Variants in SLC5A8 observed in about 807,000 individuals in gnomAD.
SLC5A8 encodes solute carrier family 5 member 8, also known as sodium-coupled monocarboxylate transporter 1.
Under a neutral mutation model 71.9 loss-of-function variants are expected in SLC5A8, and 55 were observed. That is an observed-to-expected ratio of 0.77 (90% CI 0.62 to 0.96). The LOEUF is 0.96. SLC5A8 is among the 40% of genes least tolerant of loss of function. The pLI, the probability that SLC5A8 is intolerant of heterozygous loss-of-function variation, is 0.00. For missense variants in SLC5A8, 701 were observed against 745.3 expected, an observed-to-expected ratio of 0.94 and a Z score of 0.69; for synonymous variants, 307 against 276.1, an observed-to-expected ratio of 1.11 and a Z score of -1.11.
intron 10 of SLC5A8, among the ~76,000 whole-genome samples, chr12:101,177,440 TATATAC>T (rs1566312309): frequency 8.3e-6 from 1 of 120,904 alleles, no homozygotes; most frequent in African/African-American, 4.6e-5. Context: ...CCAAAGGCAG[TATATAC>T]ACACACACAC....
At chr12:101,167,636 T>G (rs866460487) in intron 11 of SLC5A8, among the ~76,000 whole-genome samples, 7 of 152,218 alleles carry the variant, frequency 4.6e-5, no homozygotes, top group African/African-American at 1.4e-4. Flanking sequence ...TAAATCATGT[T>G]GTGGGAGCTA....
In SLC5A8 at chr12:101,182,914, T is replaced by C. The variant is rs1868432573; in HGVS notation, c.1054A>G (p.Thr352Ala). The change falls in exon 9 of 15, where the codon ACA (threonine) becomes GCA (alanine). Residue 352 changes from threonine to alanine, a missense_variant and splice_region_variant. By Grantham distance (58) the Thr-to-Ala change is moderately conservative. Coordinates refer to ENST00000536262, the MANE Select transcript of SLC5A8 (RefSeq NM_145913.5). Reference sequence around the variant, plus strand: ...AAGGCATTAATACTGGAGGACACTGTGCTGTAAGGGAAAATAAAACTTTTG... The same window carrying C: ...AAGGCATTAATACTGGAGGACACTGCGCTGTAAGGGAAAATAAAACTTTTG... Reference protein sequence around the residue: ...VACAYSGTLSTVSSSINALAA... With the variant: ...VACAYSGTLSAVSSSINALAA... The C allele has an allele frequency of 6.6e-7, 1 of 1,519,430 alleles. No individual in the cohort carries two copies. Among genetic ancestry groups the C allele is most frequent in the African/African-American group, 1.4e-5 (1 of 69,490 alleles). 94.1% of individuals were successfully genotyped at this position (1,519,430 alleles called of 1,614,324 possible).
intron 10 of SLC5A8, among the ~76,000 whole-genome samples, chr12:101,173,345 G>A (rs540547648): frequency 1.3e-5 from 2 of 152,252 alleles, no homozygotes; most frequent in Non-Finnish European, 2.9e-5. Flanking sequence ...ACCTCTTCAT[G>A]GACCATATGG....
intron 9 of SLC5A8, among the ~76,000 whole-genome samples, chr12:101,181,957 G>A (rs1407493097): frequency 6.6e-6 from 1 of 152,148 alleles, no homozygotes; most frequent in African/African-American, 2.4e-5. Flanking sequence ...GTCTATTGAT[G>A]TTATTGTGTT....
intron 1 of SLC5A8, among the ~76,000 whole-genome samples, chr12:101,207,742 A>G (rs1869732290): frequency 6.6e-6 from 1 of 152,192 alleles, no homozygotes; most frequent in African/African-American, 2.4e-5. Flanking sequence ...CATAAGTGAC[A>G]GTGGCCAGGT....
intron 6 of SLC5A8, among the ~76,000 whole-genome samples, chr12:101,189,111 A>T (rs1483184030): frequency 6.6e-6 from 1 of 152,214 alleles, no homozygotes; most frequent in Non-Finnish European, 1.5e-5. Flanking sequence ...TAATGCTGCT[A>T]TTTAAGTTAT....
At chr12:101,183,863 C>G (rs749366414) in intron 8 of SLC5A8, among the ~76,000 whole-genome samples, 2 of 152,098 alleles carry the variant, frequency 1.3e-5, no homozygotes, top group South Asian at 4.1e-4. Context: ...TACCATCAAC[C>G]GATCGTCATT....
At chr12:101,165,733 C>A (rs1182309023) in intron 12 of SLC5A8, among the ~76,000 whole-genome samples, 2 of 152,130 alleles carry the variant, frequency 1.3e-5, no homozygotes, top group African/African-American at 4.8e-5. Flanking sequence ...TATGCCGTGT[C>A]TTGACCCCAA....
At chr12:101,177,676 G>T (rs966350813) in intron 10 of SLC5A8, among the ~76,000 whole-genome samples, 2 of 152,060 alleles carry the variant, frequency 1.3e-5, no homozygotes, top group African/African-American at 4.8e-5. Flanking sequence ...CATCCTGTAA[G>T]CAGGCTAAAG....
chr12:101,161,915 A>T (rs986583303), intron 13 of SLC5A8, 59 bp downstream of exon 13: 23 of 1,165,920 alleles, frequency 2.0e-5, no homozygotes, highest in African/African-American at 4.6e-5. Context: ...GCTATAAAAC[A>T]GATACAGTAA....
chr12:101,209,964 G>A lies in SLC5A8; in HGVS notation c.-116C>T. ...GGCGCGCAGGCGTGGCGTCCCGCGG[G>A]GACTGGAGGCGTCCTCCAGGTGTCG... is the stretch of plus-strand genomic sequence containing the variant. On this transcript the variant is annotated 5_prime_UTR_variant, in exon 1 of 15. Coordinates refer to ENST00000536262, the MANE Select transcript of SLC5A8 (RefSeq NM_145913.5). The A allele has an allele frequency of 1.0e-6, 1 of 953,762 alleles. No individual in the cohort carries two copies. Among genetic ancestry groups the A allele is most frequent in the South Asian group, 1.9e-5 (1 of 51,730 alleles). 59.1% of individuals were successfully genotyped at this position (953,762 alleles called of 1,614,324 possible).
chr12:101,190,726 A>T, intron 5 of SLC5A8, 118 bp from the exon 6 acceptor site: 2 of 691,470 alleles, frequency 2.9e-6, no homozygotes, highest in Non-Finnish European at 4.2e-6. Context: ...ATACATAAAT[A>T]TGTAAAAATT....
At chr12:101,197,640 A>T (rs1225682488) in intron 3 of SLC5A8, among the ~76,000 whole-genome samples, 3 of 152,146 alleles carry the variant, frequency 2.0e-5, no homozygotes, top group Non-Finnish European at 4.4e-5. Context: ...AAGGAATAGA[A>T]GGGAGATTGT....
At chr12:101,163,083 C>T (rs1351167675) in intron 12 of SLC5A8, among the ~76,000 whole-genome samples, 1 of 152,100 alleles carries the variant, frequency 6.6e-6, no homozygotes, top group Non-Finnish European at 1.5e-5. Context: ...AGAGACTAAA[C>T]ACCAGCTGAC....
chr12:101,195,451 G>A (rs973144567), intron 3 of SLC5A8, among the ~76,000 whole-genome samples: 1 of 152,138 alleles, frequency 6.6e-6, no homozygotes, highest in African/African-American at 2.4e-5. Flanking sequence ...CCTTGATACT[G>A]TGATGGGTAT....
intron 10 of SLC5A8, among the ~76,000 whole-genome samples, chr12:101,174,783 C>T (rs941955484): frequency 6.6e-6 from 1 of 152,216 alleles, no homozygotes; most frequent in African/African-American, 2.4e-5. Flanking sequence ...CTCTGGACTT[C>T]TACCTCCACC....
intron 12 of SLC5A8, 149 bp from the exon 13 acceptor site, chr12:101,162,226 G>T: frequency 3.4e-6 from 2 of 594,854 alleles, no homozygotes; most frequent in South Asian, 4.9e-5. Context: ...TATCTTATCA[G>T]ATCAGGAATT....
intron 8 of SLC5A8, among the ~76,000 whole-genome samples, chr12:101,183,836 TG>T (rs1868481246): frequency 1.3e-5 from 2 of 152,202 alleles, no homozygotes; most frequent in African/African-American, 4.8e-5. Flanking sequence ...CACCCATTTT[TG>T]ATCACCAGTG....
chr12:101,209,352 G>T, intron 1 of SLC5A8, 146 bp downstream of exon 1: 3 of 643,218 alleles, frequency 4.7e-6, no homozygotes, highest in Admixed American at 6.0e-5. Flanking sequence ...GGGACGGGGA[G>T]GAGTGAAGGG....
Sources: gnomAD v4.1 joint callset for allele counts (sites outside exome capture counted in the v4.1 genomes callset) on GRCh38, gnomAD v4.1.1 for gene constraint, MANE v1.5 for transcripts, NCBI Gene and HGNC (gene_info 2026-07-23, HGNC 2026-07-21) for gene names.